Variants in ANO3 observed in about 807,000 individuals in gnomAD.
ANO3 encodes anoctamin 3, also known as anoctamin-3.
ANO3 carries 99 observed loss-of-function variants against 144.8 expected under a neutral mutation model. That is an observed-to-expected ratio of 0.68 (90% CI 0.58 to 0.81). The LOEUF (loss-of-function observed/expected upper bound fraction) is 0.81, where lower values mean the gene tolerates loss of function less well. Among genes scored for constraint, ANO3 ranks in the 30% least tolerant of loss-of-function variants. The pLI, the probability that ANO3 is intolerant of heterozygous loss-of-function variation, is 0.00. For synonymous variants in ANO3, 414 were observed against 392.6 expected (o/e 1.05, Z -0.64); for missense variants, 905 against 1,202.2 (o/e 0.75, Z 3.66).
In ANO3 at chr11:26,536,458, C is replaced by T. The variant is rs576607550; in HGVS notation, c.977-948C>T. 7.2e-5 allele frequency among the ~76,000 whole-genome samples: 11 copies of T among 151,964 alleles called. No homozygotes were observed. In the South Asian group the frequency reaches 2.3e-3, roughly 32 times the overall value. ...TATAAATAATTATAAGGGTATCATTCCCTTTGTAGTAAATACAGAAGAATT... is the reference window on the plus strand; with the variant it reads ...TATAAATAATTATAAGGGTATCATTTCCTTTGTAGTAAATACAGAAGAATT... On this transcript the variant is annotated intron_variant, in intron 9 of 26. Coordinates refer to ENST00000256737, the MANE Select transcript of ANO3 (RefSeq NM_031418.4).
chr11:26,223,475 C>A (rs1852191278), intron 1 of ANO3, among the ~76,000 whole-genome samples: 1 of 151,910 alleles, frequency 6.6e-6, no homozygotes, highest in Non-Finnish European at 1.5e-5. Flanking sequence ...CTTCTGAGCC[C>A]TCCAGATTCT....
chr11:26,560,983 G>T (rs1850264596), intron 14 of ANO3: 2 of 1,385,774 alleles, frequency 1.4e-6, no homozygotes, highest in South Asian at 2.7e-5. Flanking sequence ...CAGTAATTTT[G>T]TGTAACCTTT....
intron 10 of ANO3, among the ~76,000 whole-genome samples, chr11:26,537,855 C>T (rs1257055053): frequency 1.3e-5 from 2 of 152,168 alleles, no homozygotes; most frequent in Admixed American, 6.5e-5. Context: ...AGCCAATTAC[C>T]TCCTCAATTA....
At chr11:26,552,981 G>A (rs1288575117) in intron 12 of ANO3, among the ~76,000 whole-genome samples, 6 of 4,878 alleles carry the variant, frequency 1.2e-3, no homozygotes, top group Admixed American at 0.011. Context: ...TGTCATTGTA[G>A]ACAAAGTTTC....
intron 1 of ANO3, among the ~76,000 whole-genome samples, chr11:26,365,794 G>T (rs1055786990): frequency 1.5e-4 from 23 of 152,014 alleles, no homozygotes; most frequent in African/African-American, 5.1e-4. Flanking sequence ...GGGCTGGCCT[G>T]TGAGGTGAGA....
intron 1 of ANO3, among the ~76,000 whole-genome samples, chr11:26,412,795 A>AGAGTGTGT (rs376311761): frequency 7.1e-6 from 1 of 140,232 alleles, no homozygotes; most frequent in African/African-American, 2.6e-5. Flanking sequence ...GAGAAAGGAA[A>AGAGTGTGT]GTGTGTGTGT....
chr11:26,260,895 G>A (rs1325767926), intron 1 of ANO3, among the ~76,000 whole-genome samples: 1 of 152,004 alleles, frequency 6.6e-6, no homozygotes, highest in African/African-American at 2.4e-5. Flanking sequence ...TGTGATGCTG[G>A]GAAGGCTCTT....
chr11:26,332,432 A>C, intron 1 of ANO3, 111 bp downstream of exon 1: 7 of 987,008 alleles, frequency 7.1e-6, no homozygotes, highest in African/African-American at 1.7e-5. Context: ...GAGGTGGGGA[A>C]CTCTGTGAAG....
intron 14 of ANO3, among the ~76,000 whole-genome samples, chr11:26,569,815 A>C (rs1163702304): frequency 6.6e-6 from 1 of 152,084 alleles, no homozygotes; most frequent in Non-Finnish European, 1.5e-5. Flanking sequence ...CCCTGAGTGC[A>C]CCCAAGTTCA....
chr11:26,660,588 C>G lies in ANO3; in HGVS notation c.*144C>G. The G allele has an allele frequency of 1.4e-6, 1 of 703,660 alleles. No individual in the cohort carries two copies. The highest frequency in any genetic ancestry group is 2.2e-6 in the Non-Finnish European group (1 of 446,190). 43.6% of individuals were successfully genotyped at this position (703,660 alleles called of 1,614,324 possible). A position where few individuals can be genotyped will look rare whatever the true frequency, so the allele number is the denominator to read the frequency against. ...ACTTGGAAATGTATCACAGCCATCT[C>G]TGGGATTTGAAATATCCAGACTTGT... On this transcript the variant is annotated 3_prime_UTR_variant, in exon 27 of 27. Coordinates refer to ENST00000256737, the MANE Select transcript of ANO3 (RefSeq NM_031418.4).
chr11:26,389,485 G>C (rs922278922), intron 1 of ANO3, among the ~76,000 whole-genome samples: 1 of 151,852 alleles, frequency 6.6e-6, no homozygotes, highest in Non-Finnish European at 1.5e-5. Flanking sequence ...CACATATTTA[G>C]CACAATATAA....
At chr11:26,414,825 AT>A (rs368260849) in intron 1 of ANO3, among the ~76,000 whole-genome samples, 2,188 of 151,010 alleles carry the variant, frequency 0.014, 21 homozygotes, top group Non-Finnish European at 0.023. Context: ...TTGATTTGAG[AT>A]TTTTTTTGTT....
At chr11:26,269,049 T>C (rs1379742375) in intron 1 of ANO3, among the ~76,000 whole-genome samples, 1 of 152,168 alleles carries the variant, frequency 6.6e-6, no homozygotes, top group Non-Finnish European at 1.5e-5. Flanking sequence ...AACCTATTTG[T>C]GATCCCCCAG....
At chr11:26,323,822 G>T (rs1354600399) in intron 1 of ANO3, among the ~76,000 whole-genome samples, 1 of 151,776 alleles carries the variant, frequency 6.6e-6, no homozygotes, top group Non-Finnish European at 1.5e-5. Flanking sequence ...TGTTTATTTA[G>T]AAAAAAAAGC....
Position 26,358,175 on chromosome 11 carries a change from T to TTA in ANO3, c.46+25855_46+25856insAT, listed in dbSNP as rs1855833897. ...AGCTTAGAATACAATTTCAACTTTT[T>TTA]TTTTTTTTTTTTTTTGAGATGGAGT... On this transcript the variant is annotated intron_variant, in intron 1 of 26. Coordinates refer to ENST00000256737, the MANE Select transcript of ANO3 (RefSeq NM_031418.4). 1.1e-4 allele frequency among the ~76,000 whole-genome samples: 16 copies of TTA among 144,188 alleles called. No homozygotes were observed. In the South Asian group the frequency reaches 1.3e-3, roughly 12 times the overall value. The allele number at this position is 144,188 out of a possible 152,430, so 94.6% of individuals were successfully genotyped here. A position where few individuals can be genotyped will look rare whatever the true frequency, so the allele number is the denominator to read the frequency against.
At chr11:26,596,867 C>T (rs1851644358) in intron 14 of ANO3, among the ~76,000 whole-genome samples, 1 of 152,192 alleles carries the variant, frequency 6.6e-6, no homozygotes, top group Non-Finnish European at 1.5e-5. Flanking sequence ...AGGACGACAG[C>T]TTTCTGCCTC....
chr11:26,510,688 T>C (rs868048802), intron 5 of ANO3, among the ~76,000 whole-genome samples: 4 of 152,216 alleles, frequency 2.6e-5, no homozygotes, highest in Non-Finnish European at 5.9e-5. Context: ...CTGCCTTGAC[T>C]AAATTTACAG....
chr11:26,266,580 T>C (rs1453024596), intron 1 of ANO3, among the ~76,000 whole-genome samples: 2 of 151,462 alleles, frequency 1.3e-5, no homozygotes, highest in East Asian at 4.0e-4. Context: ...ATTACAGGCG[T>C]CCGCCACCAA....
intron 8 of ANO3, among the ~76,000 whole-genome samples, chr11:26,531,700 A>G (rs1338699568): frequency 6.6e-6 from 1 of 152,154 alleles, no homozygotes; most frequent in Non-Finnish European, 1.5e-5. Context: ...TGTAATAAAT[A>G]AATAAATTAT....
Sources: gnomAD v4.1 joint callset for allele counts (sites outside exome capture counted in the v4.1 genomes callset) on GRCh38, gnomAD v4.1.1 for gene constraint, MANE v1.5 for transcripts, NCBI Gene and HGNC (gene_info 2026-07-23, HGNC 2026-07-21) for gene names.